Variants in SPRR3 observed in about 807,000 individuals in gnomAD.
SPRR3 encodes small proline rich protein 3.
For missense variants in SPRR3, 183 were observed against 200.3 expected, an observed-to-expected ratio of 0.91 and a Z score of 0.52; for synonymous variants, 58 against 72.3, an observed-to-expected ratio of 0.80 and a Z score of 1.01.
intron 1 of SPRR3, 168 bp from the exon 2 acceptor site, chr1:153,002,833 TG>T: frequency 1.4e-6 from 1 of 711,508 alleles, no homozygotes; most frequent in Non-Finnish European, 2.3e-6. Context: ...CCTTATTCTC[TG>T]GAAGATAAGT....
intron 1 of SPRR3, chr1:153,002,442 A>C (rs1379891048): frequency 6.4e-6 from 1 of 156,808 alleles, no homozygotes; most frequent in Non-Finnish European, 1.4e-5. Flanking sequence ...GACATGAGTG[A>C]GTAGATTCTA....
rs1652863777 is a variant in SPRR3 at position 153,003,309 on chromosome 1, G to T, written c.289G>T (p.Gly97Cys). ...AGGCTGTACCAAGGTCCCTGAGCCA[G>T]GTTGTACCAAGGTCCCTGAGCCAGG... ...EPGCTKVPEP[G>C]CTKVPEPGYT... The change falls in exon 2 of 2, where the codon GGT (glycine) becomes TGT (cysteine). Residue 97 changes from glycine (G) to cysteine (C), a missense_variant. Transcript: ENST00000295367. 6.2e-7 allele frequency: 1 copy of T among 1,607,714 alleles called. No homozygotes were observed. Among genetic ancestry groups the T allele is most frequent in the South Asian group, 1.1e-5 (1 of 90,174 alleles).
In SPRR3 at chr1:153,003,710, A is replaced by C. The variant is rs555419511; in HGVS notation, c.*180A>C. The C allele has an allele frequency of 5.6e-6, 5 of 900,272 alleles. No homozygotes were observed. The highest frequency in any genetic ancestry group is 3.4e-5 in the African/African-American group (2 of 59,278). 55.8% of individuals were successfully genotyped at this position (900,272 alleles called of 1,614,324 possible). ...TACTATAAAGCTTTTGTTCACACAC[A>C]CTCTGAAGAATCCTGTAAGCCCCTG... is the stretch of plus-strand genomic sequence containing the variant. On this transcript the variant is annotated 3_prime_UTR_variant, in exon 2 of 2. Coordinates refer to ENST00000295367, the MANE Select transcript of SPRR3 (RefSeq NM_001097589.2).
Position 153,003,120 on chromosome 1 carries a change from G to T in SPRR3, c.100G>T (p.Val34Phe), listed in dbSNP as rs772084592. The T allele has an allele frequency of 9.9e-6, 16 of 1,614,044 alleles. No homozygotes were observed. The highest frequency in any genetic ancestry group is 1.3e-5 in the Non-Finnish European group (15 of 1,180,006). ...PSQPPPQEIF[V>F]PTTKEPCHSK... The stretch of plus-strand genomic sequence containing the variant: ...CCAGCCTCCACCTCAGGAAATATTT[G>T]TTCCCACAACCAAGGAGCCATGCCA... Residue 34 changes from valine to phenylalanine, a missense_variant, in exon 2 of 2, where the codon GTT (valine) becomes TTT (phenylalanine). Transcript: ENST00000295367.
chr1:153,003,710 A>T lies in SPRR3; in HGVS notation c.*180A>T. On this transcript the variant is annotated 3_prime_UTR_variant, in exon 2 of 2. Transcript: ENST00000295367. ...TACTATAAAGCTTTTGTTCACACAC[A>T]CTCTGAAGAATCCTGTAAGCCCCTG... 1.1e-6 allele frequency: 1 copy of T among 900,272 alleles called. No individual in the cohort carries two copies. Among genetic ancestry groups the T allele is most frequent in the Non-Finnish European group, 1.7e-6 (1 of 601,866 alleles). The allele number at this position is 900,272 out of a possible 1,614,324, so 55.8% of individuals were successfully genotyped here. A position where few individuals can be genotyped will look rare whatever the true frequency, so the allele number is the denominator to read the frequency against.
Position 153,003,579 on chromosome 1 carries a change from A to G in SPRR3, c.*49A>G. On this transcript the variant is annotated 3_prime_UTR_variant, in exon 2 of 2. Coordinates refer to ENST00000295367, the MANE Select transcript of SPRR3 (RefSeq NM_001097589.2). ...AGAAGCCAACCACCAGATGCTGGACACCCTCTTCCCATCTGTTTCTGTGTC... is the reference window on the plus strand; with the variant it reads ...AGAAGCCAACCACCAGATGCTGGACGCCCTCTTCCCATCTGTTTCTGTGTC... The G allele has an allele frequency of 6.3e-7, 1 of 1,596,614 alleles. No individual in the cohort carries two copies. Among genetic ancestry groups the G allele is most frequent in the Non-Finnish European group, 8.5e-7 (1 of 1,170,182 alleles).
Position 153,003,146 on chromosome 1 carries a change from C to A in SPRR3, c.126C>A (p.His42Gln). The A allele has an allele frequency of 6.2e-7, 1 of 1,614,146 alleles. No homozygotes were observed. The highest frequency in any genetic ancestry group is 8.5e-7 in the Non-Finnish European group (1 of 1,180,040). The change falls in exon 2 of 2, where the codon CAC becomes CAA. Residue 42 changes from histidine (H) to glutamine (Q), a missense_variant. Physicochemically the swap from His to Gln is conservative, Grantham distance 24 (BLOSUM62 0). Transcript: ENST00000295367. ...IFVPTTKEPC[H>Q]SKVPQPGNTK... Reference sequence around the variant, plus strand: ...TTCCCACAACCAAGGAGCCATGCCACTCAAAGGTTCCACAACCTGGAAACA... The same window carrying A: ...TTCCCACAACCAAGGAGCCATGCCAATCAAAGGTTCCACAACCTGGAAACA...
At position 153,003,489 on chromosome 1, in the gene SPRR3, G is replaced by T; in HGVS notation, c.469G>T (p.Val157Phe). 6.2e-7 allele frequency: 1 copy of T among 1,614,030 alleles called. No homozygotes were observed. The highest frequency in any genetic ancestry group is 8.5e-7 in the Non-Finnish European group (1 of 1,180,024). Residue 157 changes from valine to phenylalanine, a missense_variant, in exon 2 of 2, where the codon GTC becomes TTC. Coordinates refer to ENST00000295367, the MANE Select transcript of SPRR3 (RefSeq NM_001097589.2). ...GCTACCAGAGCCATGTCCTTCAACG[G>T]TCACTCCAGGCCCAGCTCAGCAGAA... The part of the protein sequence containing the change: ...TKLPEPCPST[V>F]TPGPAQQKTK...
rs200402130 is a variant in SPRR3 at position 153,003,430 on chromosome 1, G to A, written c.410G>A (p.Gly137Glu). Residue 137 changes from glycine to glutamate, a missense_variant, in exon 2 of 2, where the codon GGA becomes GAA. Transcript: ENST00000295367. ...GGTGCCATCAAAGTTCCTGAGCAAG[G>A]ATACACCAAAGTTCCTGTGCCAGGC... The part of the protein sequence containing the change: ...EPGAIKVPEQ[G>E]YTKVPVPGYT... The A allele has an allele frequency of 2.4e-5, 38 of 1,613,940 alleles. No homozygotes were observed. The highest frequency in any genetic ancestry group is 9.3e-6 in the Non-Finnish European group (11 of 1,180,004).
chr1:153,001,847 G>C (rs1393980630), intron 1 of SPRR3, 54 bp downstream of exon 1: 1 of 152,152 alleles, frequency 6.6e-6, no homozygotes, highest in African/African-American at 2.4e-5. Flanking sequence ...TCTTTATTTT[G>C]ATTGAGATCT....
In SPRR3 at chr1:153,003,204, CCT is replaced by C; in HGVS notation, c.185_186del (p.Pro62ArgfsTer9). 1 of 1,217,264 alleles carries C rather than the reference CCT, an allele frequency of 8.2e-7. No homozygotes were observed. The allele number at this position is 1,217,264 out of a possible 1,614,324, so 75.4% of individuals were successfully genotyped here. On this transcript the variant is annotated frameshift_variant, in exon 2 of 2. Transcript: ENST00000295367. LOFTEE classifies it low-confidence loss of function (END_TRUNC). ...KIPEPGCTKVPEPGCTKVPEP... is the reference protein window; with the variant it reads ...KIPEPGCTKVXEPGCTKVPEP... ...TCCAGAGCCAGGCTGTACCAAGGTC[CCT>C]GAGCCAGGCTGTACCAAGGTCCCTG...
At chr1:153,002,885 A>G in intron 1 of SPRR3, 117 bp from the exon 2 acceptor site, 2 of 1,136,396 alleles carry the variant, frequency 1.8e-6, no homozygotes, top group Non-Finnish European at 1.2e-6. Context: ...ATTCAGGGAA[A>G]AAGAAAGAAA....
At chr1:153,002,493 G>C in intron 1 of SPRR3, 1 of 158,576 alleles carries the variant, frequency 6.3e-6, no homozygotes, top group Non-Finnish European at 1.4e-5. Context: ...TGGAAAAACT[G>C]AGGTGTCACA....
chr1:153,003,677 A>C lies in SPRR3; in HGVS notation c.*147A>C. 1 of 1,140,006 alleles carries C rather than the reference A, an allele frequency of 8.8e-7. No homozygotes were observed. The highest frequency in any genetic ancestry group is 1.2e-6 in the Non-Finnish European group (1 of 816,462). The allele number at this position is 1,140,006 out of a possible 1,614,324, so 70.6% of individuals were successfully genotyped here. ...TAGTCTCTCTCTTATTTGTATCCTA[A>C]AAATACGTACTATAAAGCTTTTGTT... On this transcript the variant is annotated 3_prime_UTR_variant, in exon 2 of 2. Coordinates refer to ENST00000295367, the MANE Select transcript of SPRR3 (RefSeq NM_001097589.2).
At position 153,003,672 on chromosome 1, in the gene SPRR3, T is replaced by G; in HGVS notation, c.*142T>G. 8.5e-7 allele frequency: 1 copy of G among 1,181,338 alleles called. No homozygotes were observed. The highest frequency in any genetic ancestry group is 1.2e-6 in the Non-Finnish European group (1 of 853,736). 73.2% of individuals were successfully genotyped at this position (1,181,338 alleles called of 1,614,324 possible). On this transcript the variant is annotated 3_prime_UTR_variant, in exon 2 of 2. Coordinates refer to ENST00000295367, the MANE Select transcript of SPRR3 (RefSeq NM_001097589.2). ...AGCCATAGTCTCTCTCTTATTTGTA[T>G]CCTAAAAATACGTACTATAAAGCTT...
At chr1:153,002,964 A>G in intron 1 of SPRR3, 38 bp from the exon 2 acceptor site, 1 of 1,550,940 alleles carries the variant, frequency 6.4e-7, no homozygotes, top group Non-Finnish European at 8.7e-7. Context: ...CTTCATTCCT[A>G]CTTAATCAAA....
Position 153,003,548 on chromosome 1 carries a change from C to T in SPRR3, c.*18C>T. ...AGAAGTAATTTGGTGCACAGACAAG[C>T]CCTTGAGAAGCCAACCACCAGATGC... On this transcript the variant is annotated 3_prime_UTR_variant, in exon 2 of 2. Coordinates refer to ENST00000295367, the MANE Select transcript of SPRR3 (RefSeq NM_001097589.2). 6.2e-7 allele frequency: 1 copy of T among 1,610,136 alleles called. No homozygotes were observed. The highest frequency in any genetic ancestry group is 8.5e-7 in the Non-Finnish European group (1 of 1,177,062).
rs1274922684 is a variant in SPRR3, at chr1:153,003,674, C to A, written c.*144C>A. 8.6e-7 allele frequency: 1 copy of A among 1,164,558 alleles called. No homozygotes were observed. Among genetic ancestry groups the A allele is most frequent in the Non-Finnish European group, 1.2e-6 (1 of 838,768 alleles). 72.1% of individuals were successfully genotyped at this position (1,164,558 alleles called of 1,614,324 possible). A position where few individuals can be genotyped will look rare whatever the true frequency, so the allele number is the denominator to read the frequency against. On this transcript the variant is annotated 3_prime_UTR_variant, in exon 2 of 2. Transcript: ENST00000295367. The stretch of plus-strand genomic sequence containing the variant: ...CCATAGTCTCTCTCTTATTTGTATC[C>A]TAAAAATACGTACTATAAAGCTTTT...
At chr1:153,002,469 ATCTT>A in intron 1 of SPRR3, 3 of 158,962 alleles carry the variant, frequency 1.9e-5, no homozygotes, top group South Asian at 1.8e-4. Flanking sequence ...TGACCTTAAA[ATCTT>A]TCCAACTTAT....
Sources: gnomAD v4.1 joint callset for allele counts on GRCh38, gnomAD v4.1.1 for gene constraint, MANE v1.5 for transcripts, NCBI Gene and HGNC (gene_info 2026-07-23, HGNC 2026-07-21) for gene names.